HDLBP: variants seen among roughly 807,000 people sequenced by gnomAD.
The protein encoded by HDLBP is vigilin.
Under a neutral mutation model 137.3 loss-of-function variants are expected in HDLBP, and 30 were observed. The observed-to-expected ratio is 0.22, with a 90% confidence interval of 0.16 to 0.30. HDLBP has a LOEUF of 0.30. HDLBP is among the 10% of genes least tolerant of loss of function. The probability of loss-of-function intolerance (pLI) is 1.00; values close to 1 mark genes in which losing one functional copy is unlikely to be tolerated. For missense variants in HDLBP, 1,119 were observed against 1,667.3 expected, an observed-to-expected ratio of 0.67 and a Z score of 5.73; for synonymous variants, 606 against 596.0, an observed-to-expected ratio of 1.02 and a Z score of -0.24.
At chr2:241,296,858 C>A (rs1438482697) in intron 1 of HDLBP, among the ~76,000 whole-genome samples, 1 of 152,218 alleles carries the variant, frequency 6.6e-6, no homozygotes, top group Non-Finnish European at 1.5e-5. Flanking sequence ...TCCAGAAGTG[C>A]CTGCAAAAGA....
intron 9 of HDLBP, among the ~76,000 whole-genome samples, chr2:241,254,117 C>T (rs1257251481): frequency 6.6e-6 from 1 of 152,050 alleles, no homozygotes; most frequent in African/African-American, 2.4e-5. Flanking sequence ...GACTCTGCCT[C>T]CACGAAAACT....
chr2:241,266,741 G>A (rs1286686817), intron 3 of HDLBP, 53 bp downstream of exon 3: 3 of 1,165,298 alleles, frequency 2.6e-6, no homozygotes, highest in Non-Finnish European at 3.9e-6. Flanking sequence ...AAAGGCTTTA[G>A]AGGGAGCAAT....
In HDLBP at chr2:241,240,710, G is replaced by A. The variant is rs557382356; in HGVS notation, c.2170-588C>T. 8.0e-5 allele frequency among the ~76,000 whole-genome samples: 12 copies of A among 150,156 alleles called. No individual in the cohort carries two copies. Among genetic ancestry groups the A allele is most frequent in the South Asian group, 2.1e-4 (1 of 4,828 alleles). On this transcript the variant is annotated intron_variant, in intron 17 of 27. Transcript: ENST00000310931. The surrounding 1 kb of genome is among the most constrained non-coding windows in gnomAD (Gnocchi z 5.5). ...CCAACCAAGGCTACAGTTAGAGACC[G>A]GTCCTCAGAGGCCTCGTGTAGTGCG...
At chr2:241,264,842 G>T (rs962136886) in intron 3 of HDLBP, among the ~76,000 whole-genome samples, 2 of 152,108 alleles carry the variant, frequency 1.3e-5, no homozygotes, top group African/African-American at 2.4e-5. Context: ...GTCTCTGACA[G>T]CGAACCTACC....
rs1444439748 is a variant in HDLBP at position 241,238,418 on chromosome 2, C to A, written c.2749+231G>T. On this transcript the variant is annotated intron_variant, in intron 20 of 27. Coordinates refer to ENST00000310931, the MANE Select transcript of HDLBP (RefSeq NM_005336.6). The surrounding 1 kb of genome is among the most constrained non-coding windows in gnomAD (Gnocchi z 4.9). Reference sequence around the variant, plus strand: ...CTCCTCATCGCCTTGGGACTGGCTACCTTGTGTGTCTCTAGGACCTATGAA... The same window carrying A: ...CTCCTCATCGCCTTGGGACTGGCTAACTTGTGTGTCTCTAGGACCTATGAA... 5 of 366,246 alleles carry A rather than the reference C, an allele frequency of 1.4e-5. No individual in the cohort carries two copies. Among genetic ancestry groups the A allele is most frequent in the Non-Finnish European group, 4.9e-6 (1 of 204,946 alleles). 22.7% of individuals were successfully genotyped at this position (366,246 alleles called of 1,614,324 possible).
intron 16 of HDLBP, among the ~76,000 whole-genome samples, chr2:241,245,679 G>A (rs1300823834): frequency 6.6e-6 from 1 of 152,164 alleles, no homozygotes; most frequent in Non-Finnish European, 1.5e-5. Flanking sequence ...GCATGCACCT[G>A]TGGTCCCAGC....
intron 3 of HDLBP, among the ~76,000 whole-genome samples, chr2:241,265,590 C>T (rs2073598369): frequency 6.6e-6 from 1 of 152,218 alleles, no homozygotes; most frequent in Non-Finnish European, 1.5e-5. Flanking sequence ...TCCATGAAAT[C>T]AAGGGTGTGA....
intron 1 of HDLBP, among the ~76,000 whole-genome samples, chr2:241,299,251 T>C (rs1050401500): frequency 1.3e-5 from 2 of 152,080 alleles, no homozygotes; most frequent in African/African-American, 2.4e-5. Context: ...CCGGGCGCGG[T>C]GGCTCACGCC....
rs893386628 is a variant in HDLBP at position 241,285,341 on chromosome 2, G to A, written c.-102-16800C>T. Among the ~76,000 whole-genome samples the A allele has an allele frequency of 3.9e-5, 6 of 152,200 alleles. No homozygotes were observed. The South Asian group carries it at 6.2e-4, about 16-fold the overall frequency. On this transcript the variant is annotated intron_variant, in intron 1 of 27. Coordinates refer to ENST00000310931, the MANE Select transcript of HDLBP (RefSeq NM_005336.6). ...CCTGCAGTGTCTCTGCAGTGTGCCT[G>A]ATGTGCACTGTAGCATTTTTGTAGA...
intron 1 of HDLBP, among the ~76,000 whole-genome samples, chr2:241,275,184 C>G (rs982176328): frequency 6.6e-5 from 10 of 151,660 alleles, no homozygotes; most frequent in Admixed American, 2.6e-4. Context: ...AATTCCCCCC[C>G]ACCCCGCCTC....
chr2:241,239,846 A>C lies in HDLBP; in HGVS notation c.2392-26T>G, dbSNP rs1343396830. The C allele has an allele frequency of 4.3e-6, 7 of 1,611,876 alleles. No individual in the cohort carries two copies. The highest frequency in any genetic ancestry group is 5.9e-6 in the Non-Finnish European group (7 of 1,178,354). On this transcript the variant is annotated intron_variant, in intron 18 of 27. Coordinates refer to ENST00000310931, the MANE Select transcript of HDLBP (RefSeq NM_005336.6). This position sits in a 1 kb window ranked among gnomAD's most constrained non-coding sequence, Gnocchi z 4.6. ...CTGCAGTGTTAAGAAGAGATGGAAG[A>C]TAAGCCACCCCATCACGGCCCCAGC...
At chr2:241,282,007 A>C (rs774207276) in intron 1 of HDLBP, among the ~76,000 whole-genome samples, 6 of 152,228 alleles carry the variant, frequency 3.9e-5, no homozygotes, top group Non-Finnish European at 8.8e-5. Flanking sequence ...TTTTATTACA[A>C]ATCTTTTGTG....
intron 1 of HDLBP, among the ~76,000 whole-genome samples, chr2:241,280,941 A>G (rs1029209942): frequency 6.6e-6 from 1 of 152,246 alleles, no homozygotes; most frequent in Non-Finnish European, 1.5e-5. Context: ...GGAGTATGCC[A>G]CTACATTAAT....
chr2:241,249,499 A>G, intron 12 of HDLBP: 1 of 507,022 alleles, frequency 2.0e-6, no homozygotes, highest in Non-Finnish European at 4.0e-6. Flanking sequence ...GCCTTACATG[A>G]GAACCACCTG....
At chr2:241,262,990 T>C in intron 4 of HDLBP, 64 bp from the exon 5 acceptor site, 4 of 1,250,802 alleles carry the variant, frequency 3.2e-6, no homozygotes, top group Non-Finnish European at 4.6e-6. Context: ...AGATAGGGAG[T>C]AAAGAACATG....
chr2:241,238,841 G>A lies in HDLBP; in HGVS notation c.2611-54C>T. On this transcript the variant is annotated intron_variant, in intron 19 of 27. Coordinates refer to ENST00000310931, the MANE Select transcript of HDLBP (RefSeq NM_005336.6). The surrounding 1 kb of genome is among the most constrained non-coding windows in gnomAD (Gnocchi z 4.9). ...AAAGAGCAAAGATTAAATTCCTTAG[G>A]GCAAGTTTTACAGCACTCTTCACAC... 2.1e-6 allele frequency: 3 copies of A among 1,447,624 alleles called. No homozygotes were observed. Among genetic ancestry groups the A allele is most frequent in the South Asian group, 3.0e-5 (2 of 67,126 alleles). The allele number at this position is 1,447,624 out of a possible 1,614,324, so 89.7% of individuals were successfully genotyped here. A position where few individuals can be genotyped will look rare whatever the true frequency, so the allele number is the denominator to read the frequency against.
In HDLBP at chr2:241,230,746, C is replaced by T. The variant is rs2069648420; in HGVS notation, c.3474+13G>A. ...GAGAGGATTCTCACCCACTGTGCTT[C>T]CAGCCGGCTCACCTTGAATTCGTCC... On this transcript the variant is annotated intron_variant, in intron 25 of 27. Transcript: ENST00000310931. The surrounding 1 kb of genome is among the most constrained non-coding windows in gnomAD (Gnocchi z 5.0). The T allele has an allele frequency of 6.2e-7, 1 of 1,612,532 alleles. No individual in the cohort carries two copies. Among genetic ancestry groups the T allele is most frequent in the African/African-American group, 1.3e-5 (1 of 74,930 alleles).
intron 17 of HDLBP, among the ~76,000 whole-genome samples, chr2:241,241,156 A>G (rs984646760): frequency 6.6e-6 from 1 of 152,168 alleles, no homozygotes; most frequent in Admixed American, 6.5e-5. Context: ...GTTAAACACA[A>G]AGACAAAAAC....
chr2:241,289,181 T>C (rs1210370712), intron 1 of HDLBP, among the ~76,000 whole-genome samples: 1 of 152,150 alleles, frequency 6.6e-6, no homozygotes, highest in East Asian at 1.9e-4. Flanking sequence ...GTCTTCAGGT[T>C]TTCTCCTCTC....
Sources: gnomAD v4.1 joint callset for allele counts (sites outside exome capture counted in the v4.1 genomes callset) on GRCh38, gnomAD v4.1.1 for gene constraint, Gnocchi (gnomAD v3.1) non-coding constraint, MANE v1.5 for transcripts, NCBI Gene and HGNC (gene_info 2026-07-23, HGNC 2026-07-21) for gene names.